DISP2: variants seen among roughly 807,000 people sequenced by gnomAD.
DISP2 encodes protein dispatched homolog 2.
DISP2 carries 59 observed loss-of-function variants against 95.5 expected under a neutral mutation model. The observed-to-expected ratio is 0.62, with a 90% CI of 0.50 to 0.77. The LOEUF (loss-of-function observed/expected upper bound fraction) is 0.77, where lower values mean the gene tolerates loss of function less well. Ranked by LOEUF, DISP2 falls within the 30% of genes least tolerant of loss-of-function variation. The pLI is 0.00. For missense variants in DISP2, 1,752 were observed against 1,854.6 expected (o/e 0.94, Z 1.02); for synonymous variants, 827 against 815.0 (o/e 1.01, Z -0.25).
Position 40,369,073 on chromosome 15 carries a change from C to T in DISP2, c.2961C>T (p.Pro987=). The T allele has an allele frequency of 6.2e-7, 1 of 1,614,072 alleles. No homozygotes were observed. Among genetic ancestry groups the T allele is most frequent in the Non-Finnish European group, 8.5e-7 (1 of 1,180,036 alleles). ...ATLLLGTWNV[P]LSLFSVAAVA... ...TGCTCCTGGGCACCTGGAATGTTCC[C>T]CTCAGCCTATTCTCCGTGGCAGCTG... The change falls in exon 8 of 8, where the codon CCC becomes CCT. Residue 987 remains proline (P), a synonymous_variant. Coordinates refer to ENST00000267889, the MANE Select transcript of DISP2 (RefSeq NM_033510.3).
intron 1 of DISP2, among the ~76,000 whole-genome samples, chr15:40,360,044 T>A (rs1021229806): frequency 7.2e-5 from 11 of 152,244 alleles, no homozygotes; most frequent in African/African-American, 2.7e-4. Flanking sequence ...CGATATACAT[T>A]TGCCCCTTAT....
Position 40,369,328 on chromosome 15 carries a change from G to A in DISP2, c.3216G>A (p.Ala1072=), listed in dbSNP as rs371762682. The A allele has an allele frequency of 1.7e-5, 27 of 1,613,264 alleles. No homozygotes were observed. In the East Asian group the frequency reaches 2.5e-4, roughly 15 times the overall value. Residue 1072 remains alanine, a synonymous_variant, in exon 8 of 8, where the codon GCG becomes GCA. Transcript: ENST00000267889. ...CCGTGGGGGCTGCAGCCCTGTTTGC[G>A]GCAGGCGTGCTCATGCTGCCTGCCA... ...ATAVGAAALF[A]AGVLMLPATV...
rs1889542538 is a variant in DISP2 at position 40,368,106 on chromosome 15, CCCGGCGGCTACTGCTGGCGCTGCA to C, written c.2004_2027del (p.Leu669_Leu676del). On this transcript the variant is annotated inframe_deletion, in exon 8 of 8. Coordinates refer to ENST00000267889, the MANE Select transcript of DISP2 (RefSeq NM_033510.3). ...CGGGGCCGGTGGGAGGGCAGCGCGC[CCCGGCGGCTACTGCTGGCGCTGCA>C]CCGGCGGCTCCGCGGCCTGCGGAGG... is the stretch of plus-strand genomic sequence containing the variant. The C allele has an allele frequency of 1.5e-6, 2 of 1,355,714 alleles. No individual in the cohort carries two copies. Among genetic ancestry groups the C allele is most frequent in the Admixed American group, 7.8e-5 (2 of 25,514 alleles). The allele number at this position is 1,355,714 out of a possible 1,614,324, so 84.0% of individuals were successfully genotyped here. A position where few individuals can be genotyped will look rare whatever the true frequency, so the allele number is the denominator to read the frequency against.
chr15:40,368,268 A>C lies in DISP2; in HGVS notation c.2156A>C (p.Tyr719Ser). The change falls in exon 8 of 8, where the codon TAC becomes TCC. Residue 719 changes from tyrosine to serine, a missense_variant. Tyr to Ser is a moderately radical substitution (Grantham distance 144). Coordinates refer to ENST00000267889, the MANE Select transcript of DISP2 (RefSeq NM_033510.3). ...WFAALAAGGA[Y>S]IAGVSPRLRL... ...GCAGCACTGGCGGCAGGGGGCGCCT[A>C]CATCGCCGGAGTCAGCCCCCGCCTG... 6.2e-7 allele frequency: 1 copy of C among 1,609,102 alleles called. No individual in the cohort carries two copies. Among genetic ancestry groups the C allele is most frequent in the African/African-American group, 1.3e-5 (1 of 74,956 alleles).
chr15:40,364,028 G>A (rs900619383), intron 2 of DISP2, 74 bp downstream of exon 2: 20 of 1,494,626 alleles, frequency 1.3e-5, no homozygotes, highest in East Asian at 4.6e-5. Flanking sequence ...GCAGACTGCC[G>A]GGGCTCTAGA....
At chr15:40,359,296 C>A (rs1320890803) in intron 1 of DISP2, among the ~76,000 whole-genome samples, 1 of 152,242 alleles carries the variant, frequency 6.6e-6, no homozygotes, top group Non-Finnish European at 1.5e-5. Flanking sequence ...ATAGCAATAG[C>A]AGAAGTGGAC....
Position 40,367,988 on chromosome 15 carries a change from G to GCACC in DISP2, c.1876_1877insCACC (p.Val626AlafsTer167). On this transcript the variant is annotated frameshift_variant, in exon 8 of 8. Transcript: ENST00000267889. LOFTEE classifies it high-confidence loss of function. ...CCTCGCCCTCTTCATGGGCACGGCTGTGCTGGTGCACCTGGCGCTCACGCT... is the reference window on the plus strand; with the variant it reads ...CCTCGCCCTCTTCATGGGCACGGCTGCACCTGCTGGTGCACCTGGCGCTCACGCT... 1 of 1,549,818 alleles carries GCACC rather than the reference G, an allele frequency of 6.5e-7. No individual in the cohort carries two copies.
rs138090301 is a variant in DISP2 at position 40,374,574 on chromosome 15, G to T, written c.*4256G>T. On this transcript the variant is annotated 3_prime_UTR_variant, in exon 8 of 8. Transcript: ENST00000267889. ...CAGATTTTAAGAAAGAGGATACATT[G>T]GTTTACAACCTTTGCCTATCGTCCA... is the stretch of plus-strand genomic sequence containing the variant. 1.6e-5 allele frequency: 2 copies of T among 124,710 alleles called. No homozygotes were observed. The highest frequency in any genetic ancestry group is 5.7e-5 in the African/African-American group (2 of 35,136). The allele number at this position is 124,710 out of a possible 1,614,324, so 7.7% of individuals were successfully genotyped here.
At chr15:40,363,208 A>C (rs1178165862) in intron 1 of DISP2, among the ~76,000 whole-genome samples, 1 of 150,918 alleles carries the variant, frequency 6.6e-6, no homozygotes, top group African/African-American at 2.4e-5. Context: ...GCTACTCAGG[A>C]GGCTGAGGCA....
rs146784438 is a variant in DISP2, at chr15:40,369,894, C to A, written c.3782C>A (p.Pro1261Gln). Residue 1261 changes from proline (P) to glutamine (Q), a missense_variant, in exon 8 of 8, where the codon CCA becomes CAA. By Grantham distance (76) the Pro-to-Gln change is moderately conservative (BLOSUM62 -1). Coordinates refer to ENST00000267889, the MANE Select transcript of DISP2 (RefSeq NM_033510.3). ...CAAGGGGAGGAGGCTGAGCCCCTGCCAGCCTCACCAGAAGCCCCAGCCCAC... is the reference window on the plus strand; with the variant it reads ...CAAGGGGAGGAGGCTGAGCCCCTGCAAGCCTCACCAGAAGCCCCAGCCCAC... Reference protein sequence around the residue: ...DSQGEEAEPLPASPEAPAHSP... With the variant: ...DSQGEEAEPLQASPEAPAHSP... 1.3e-6 allele frequency: 2 copies of A among 1,565,602 alleles called. No homozygotes were observed. Among genetic ancestry groups the A allele is most frequent in the African/African-American group, 2.7e-5 (2 of 73,588 alleles).
rs943005667 is a variant in DISP2 at position 40,376,052 on chromosome 15, G to A, written c.*5734G>A. 2 of 152,154 alleles carry A rather than the reference G, an allele frequency of 1.3e-5. No individual in the cohort carries two copies. The highest frequency in any genetic ancestry group is 4.8e-5 in the African/African-American group (2 of 41,424). The allele number at this position is 152,154 out of a possible 1,614,324, so 9.4% of individuals were successfully genotyped here. On this transcript the variant is annotated 3_prime_UTR_variant, in exon 8 of 8. Transcript: ENST00000267889. ...GAGAGCTTCTTTGAGAAAGTTCACA[G>A]GGGCAGCCCTGTGGCTCAGTTCTGT... is the stretch of plus-strand genomic sequence containing the variant.
At position 40,369,627 on chromosome 15, in the gene DISP2, G is replaced by A. The variant is rs200105296; in HGVS notation, c.3515G>A (p.Arg1172Gln). ...QYELQPLARR[R>Q]SPSFDTSTAT... ...GAGCTACAGCCCCTGGCACGGCGTC[G>A]GAGCCCCAGCTTTGACACCAGCACA... Residue 1172 changes from arginine to glutamine, a missense_variant, in exon 8 of 8, where the codon CGG becomes CAG. Arg to Gln is a conservative substitution (Grantham distance 43, BLOSUM62 1). Around this residue, in one of 5 missense-constraint regions of DISP2, gnomAD observed 347 missense variants for 344.2 expected, o/e 1.01. Coordinates refer to ENST00000267889, the MANE Select transcript of DISP2 (RefSeq NM_033510.3). 1.5e-4 allele frequency: 241 copies of A among 1,611,390 alleles called. 1 individual carries two copies. The highest frequency in any genetic ancestry group is 1.8e-4 in the East Asian group (8 of 44,890).
chr15:40,358,474 G>T, intron 1 of DISP2, 34 bp downstream of exon 1: 1 of 1,213,966 alleles, frequency 8.2e-7, no homozygotes, highest in South Asian at 3.7e-5. Flanking sequence ...CCGTATCACA[G>T]ACCCTCCCAG....
chr15:40,358,307 G>T lies in DISP2; in HGVS notation c.-15G>T. Reference sequence around the variant, plus strand: ...CTTCAGCACCAGCGCCCGGACAGCGGTGCCGCCCACGGGCATGGACGGTGA... The same window carrying T: ...CTTCAGCACCAGCGCCCGGACAGCGTTGCCGCCCACGGGCATGGACGGTGA... On this transcript the variant is annotated 5_prime_UTR_variant, in exon 1 of 8. Transcript: ENST00000267889. 1 of 1,302,660 alleles carries T rather than the reference G, an allele frequency of 7.7e-7. No individual in the cohort carries two copies. Among genetic ancestry groups the T allele is most frequent in the Non-Finnish European group, 9.7e-7 (1 of 1,029,238 alleles). 80.7% of individuals were successfully genotyped at this position (1,302,660 alleles called of 1,614,324 possible).
chr15:40,364,732 G>A, intron 4 of DISP2, 106 bp from the exon 5 acceptor site: 2 of 1,394,852 alleles, frequency 1.4e-6, no homozygotes, highest in Admixed American at 4.6e-5. Flanking sequence ...CAGGCAGGCG[G>A]GCTGGCCTTC....
At chr15:40,365,109 C>T in intron 5 of DISP2, 38 bp from the exon 6 acceptor site, 1 of 1,606,786 alleles carries the variant, frequency 6.2e-7, no homozygotes, top group East Asian at 2.2e-5. Flanking sequence ...GTCTTCCAAC[C>T]CTAATGGTGC....
rs1889677213 is a variant in DISP2, at chr15:40,373,400, A to G, written c.*3082A>G. The G allele has an allele frequency of 6.6e-6, 1 of 152,218 alleles. No homozygotes were observed. Among genetic ancestry groups the G allele is most frequent in the Non-Finnish European group, 1.5e-5 (1 of 68,044 alleles). The allele number at this position is 152,218 out of a possible 1,614,324, so 9.4% of individuals were successfully genotyped here. A position where few individuals can be genotyped will look rare whatever the true frequency, so the allele number is the denominator to read the frequency against. On this transcript the variant is annotated 3_prime_UTR_variant, in exon 8 of 8. Coordinates refer to ENST00000267889, the MANE Select transcript of DISP2 (RefSeq NM_033510.3). ...TTCTGAGTACGAGTATGTATCCTGT[A>G]TGCTATTAAAATATAACTTGAGGCC...
In DISP2 at chr15:40,368,476, C is replaced by T; in HGVS notation, c.2364C>T (p.Asp788=). Residue 788 remains aspartate (D), a synonymous_variant, in exon 8 of 8, where the codon GAC becomes GAT. Transcript: ENST00000267889. ...VLPVDTGDPL[D]PRSNSSLVRD... The stretch of plus-strand genomic sequence containing the variant: ...CTGTGGACACTGGCGACCCTCTGGA[C>T]CCTCGTAGCAACAGCAGCCTGGTGA... 6.2e-7 allele frequency: 1 copy of T among 1,609,056 alleles called. No homozygotes were observed. Among genetic ancestry groups the T allele is most frequent in the Non-Finnish European group, 8.5e-7 (1 of 1,179,862 alleles).
intron 1 of DISP2, among the ~76,000 whole-genome samples, chr15:40,359,508 C>A (rs1889374292): frequency 6.6e-6 from 1 of 152,256 alleles, no homozygotes; most frequent in Admixed American, 6.5e-5. Context: ...GTCCAGGGAC[C>A]TGCCTGGGAC....
Sources: gnomAD v4.1 joint callset for allele counts (sites outside exome capture counted in the v4.1 genomes callset) on GRCh38, gnomAD v4.1.1 for gene constraint, gnomAD v4.1.1 regional missense constraint, MANE v1.5 for transcripts, NCBI Gene and HGNC (gene_info 2026-07-23, HGNC 2026-07-21) for gene names.